Variants in NAALADL2 observed in about 807,000 individuals in gnomAD.
The protein encoded by NAALADL2 is N-acetylated alpha-linked acidic dipeptidase like 2, also known as inactive N-acetylated-alpha-linked acidic dipeptidase-like protein 2.
Under a neutral mutation model 87.2 loss-of-function variants are expected in NAALADL2, and 76 were observed. The ratio of observed to expected loss-of-function variants is 0.87; its 90% CI spans 0.72 to 1.05. The LOEUF (loss-of-function observed/expected upper bound fraction) is 1.05, where lower values mean the gene tolerates loss of function less well. Ranked by LOEUF, NAALADL2 falls within the 50% of genes least tolerant of loss-of-function variation. The probability of loss-of-function intolerance (pLI) is 0.00; values close to 1 mark genes in which losing one functional copy is unlikely to be tolerated. For missense variants in NAALADL2, 1,089 were observed against 945.8 expected (o/e 1.15, Z -1.99); for synonymous variants, 354 against 331.0 (o/e 1.07, Z -0.75).
At chr3:175,731,688 C>T (rs1008243281) in intron 11 of NAALADL2, among the ~76,000 whole-genome samples, 2 of 152,078 alleles carry the variant, frequency 1.3e-5, no homozygotes, top group South Asian at 2.1e-4. Flanking sequence ...CTAACCATTC[C>T]GTTGTGGGCC....
At chr3:175,544,902 G>A (rs548806762) in intron 9 of NAALADL2, among the ~76,000 whole-genome samples, 2 of 152,164 alleles carry the variant, frequency 1.3e-5, no homozygotes, top group Admixed American at 6.5e-5. Flanking sequence ...TTAGCATTCA[G>A]CAAAATCATC....
chr3:174,858,551 G>A (rs1037145530), upstream of NAALADL2, among the ~76,000 whole-genome samples: 4 of 151,922 alleles, frequency 2.6e-5, no homozygotes, highest in African/African-American at 9.7e-5. Context: ...CTCAGGATTA[G>A]GTTGAACAGT....
At chr3:174,573,113 T>G (rs977448129) in intron 2 of NAALADL2, among the ~76,000 whole-genome samples, 1 of 152,202 alleles carries the variant, frequency 6.6e-6, no homozygotes, top group South Asian at 2.1e-4. Flanking sequence ...CACATGGACC[T>G]CTTAAAAAGT....
At chr3:174,682,265 G>A (rs1727616088) in intron 2 of NAALADL2, among the ~76,000 whole-genome samples, 1 of 152,198 alleles carries the variant, frequency 6.6e-6, no homozygotes, top group Non-Finnish European at 1.5e-5. Flanking sequence ...AGTTTCCTGA[G>A]GTTTCCAGAT....
intron 2 of NAALADL2, among the ~76,000 whole-genome samples, chr3:174,719,070 G>A (rs909379791): frequency 2.6e-5 from 4 of 152,038 alleles, no homozygotes; most frequent in African/African-American, 7.2e-5. Context: ...ACATGAAGAC[G>A]ACTTCTCATT....
chr3:174,496,172 A>G (rs560263494), intron 1 of NAALADL2, among the ~76,000 whole-genome samples: 172 of 152,148 alleles, frequency 1.1e-3, no homozygotes, highest in African/African-American at 3.9e-3. Flanking sequence ...ATCCGTCACT[A>G]TTTCCCAGCT....
intron 4 of NAALADL2, among the ~76,000 whole-genome samples, chr3:175,312,848 A>T (rs756671639): frequency 7.2e-5 from 11 of 152,214 alleles, no homozygotes; most frequent in Non-Finnish European, 1.6e-4. Flanking sequence ...TGATAATTTG[A>T]CCTAAAGTTG....
chr3:175,263,729 G>T (rs1751479642), intron 4 of NAALADL2, among the ~76,000 whole-genome samples: 1 of 151,560 alleles, frequency 6.6e-6, no homozygotes, highest in South Asian at 2.1e-4. Context: ...AAGAGAGAGA[G>T]AAAACAGTGA....
chr3:175,238,261 CT>C, intron 3 of NAALADL2, among the ~76,000 whole-genome samples: 1 of 152,152 alleles, frequency 6.6e-6, no homozygotes, highest in African/African-American at 2.4e-5. Flanking sequence ...TGTATTAAAA[CT>C]GCCTTTTTTA....
intron 3 of NAALADL2, among the ~76,000 whole-genome samples, chr3:175,248,528 ATC>A (rs113284400): frequency 2.6e-5 from 4 of 151,004 alleles, no homozygotes; most frequent in Admixed American, 6.6e-5. Context: ...CCAAATACAA[ATC>A]TCTCTCTCTC....
At chr3:175,794,935 G>A (rs1044566628) in intron 13 of NAALADL2, among the ~76,000 whole-genome samples, 39 of 152,158 alleles carry the variant, frequency 2.6e-4, no homozygotes, top group Non-Finnish European at 4.6e-4. Flanking sequence ...AGCCTGGCCC[G>A]GTTCTGGAGC....
At chr3:175,703,969 A>G (rs1265776324) in intron 11 of NAALADL2, among the ~76,000 whole-genome samples, 1 of 152,120 alleles carries the variant, frequency 6.6e-6, no homozygotes, top group African/African-American at 2.4e-5. Context: ...CCAGCCCTTA[A>G]TGAGATTATG....
intron 9 of NAALADL2, among the ~76,000 whole-genome samples, chr3:175,482,130 A>C (rs1726569684): frequency 6.6e-6 from 1 of 151,976 alleles, no homozygotes; most frequent in African/African-American, 2.4e-5. Context: ...AAATATACTT[A>C]TCTAAGGGAT....
intron 10 of NAALADL2, among the ~76,000 whole-genome samples, chr3:175,589,932 G>A (rs1721137199): frequency 6.6e-6 from 1 of 152,092 alleles, no homozygotes; most frequent in African/African-American, 2.4e-5. Context: ...CCAATTCTTG[G>A]CCGGGTGTGG....
At chr3:174,859,321 A>T, upstream of NAALADL2, 1 of 937,896 alleles carries the variant, frequency 1.1e-6, no homozygotes, top group Non-Finnish European at 1.7e-6. Context: ...TTACAATACT[A>T]CAGTAGAAAG....
At chr3:174,965,707 G>A (rs968309746) in intron 1 of NAALADL2, among the ~76,000 whole-genome samples, 3 of 152,104 alleles carry the variant, frequency 2.0e-5, no homozygotes, top group Non-Finnish European at 2.9e-5. Context: ...GGAAAGGATC[G>A]ATATAAAAAT....
intron 10 of NAALADL2, among the ~76,000 whole-genome samples, chr3:175,582,579 CAAGTT>C (rs938116883): frequency 5.3e-5 from 8 of 152,164 alleles, no homozygotes; most frequent in South Asian, 4.1e-4. Context: ...TGACAACAGT[CAAGTT>C]AAGAATATAG....
At chr3:175,215,738 A>T (rs923736808) in intron 2 of NAALADL2, among the ~76,000 whole-genome samples, 2 of 152,166 alleles carry the variant, frequency 1.3e-5, no homozygotes, top group Admixed American at 1.3e-4. Context: ...AATTTTTGCC[A>T]CACAGGCCAG....
At chr3:175,063,779 G>A (rs117436993) in intron 1 of NAALADL2, among the ~76,000 whole-genome samples, 1 of 151,998 alleles carries the variant, frequency 6.6e-6, no homozygotes, top group East Asian at 2.0e-4. Flanking sequence ...CATTGCACCC[G>A]GCCCAGTCTG....
Sources: allele counts gnomAD v4.1 joint callset (sites outside exome capture counted in the v4.1 genomes callset), GRCh38; gene constraint gnomAD v4.1.1; transcripts MANE v1.5; gene names NCBI Gene and HGNC (gene_info 2026-07-23, HGNC 2026-07-21).